Variants in HLCS observed in about 807,000 individuals in gnomAD.
The protein encoded by HLCS is holocarboxylase synthetase, also known as biotin--protein ligase.
In HLCS, 53 loss-of-function variants were observed where a neutral mutation model predicts 75.0. That is an observed-to-expected ratio of 0.71 (90% CI 0.57 to 0.89). The LOEUF is 0.89. Ranked by LOEUF, HLCS falls within the 40% of genes least tolerant of loss-of-function variation. The pLI is 0.00. For synonymous variants in HLCS, 431 were observed against 428.6 expected (o/e 1.01, Z -0.07); for missense variants, 966 against 1,074.0 (o/e 0.90, Z 1.41).
intron 6 of HLCS, among the ~76,000 whole-genome samples, chr21:36,877,523 C>A (rs760666735): frequency 1.9e-4 from 29 of 152,182 alleles, no homozygotes; most frequent in Non-Finnish European, 3.8e-4. Flanking sequence ...TCTTATAGGT[C>A]CATTTACCAC....
At chr21:36,861,372 T>C (rs1296973293) in intron 6 of HLCS, among the ~76,000 whole-genome samples, 1 of 152,236 alleles carries the variant, frequency 6.6e-6, no homozygotes, top group Non-Finnish European at 1.5e-5. Flanking sequence ...CAAAAGATGT[T>C]TGTTATACTT....
chr21:36,845,424 AG>A (rs1408130869), intron 6 of HLCS, among the ~76,000 whole-genome samples: 1 of 152,118 alleles, frequency 6.6e-6, no homozygotes, highest in Admixed American at 6.5e-5. Flanking sequence ...CTTCTACCCT[AG>A]GCACCTTCAC....
rs923467256 is a variant in HLCS, at chr21:36,751,365, T to C, written c.*2881A>G. 2 of 152,668 alleles carry C rather than the reference T, an allele frequency of 1.3e-5. No individual in the cohort carries two copies. The highest frequency in any genetic ancestry group is 2.9e-5 in the Non-Finnish European group (2 of 68,052). 9.5% of individuals were successfully genotyped at this position (152,668 alleles called of 1,614,324 possible). A position where few individuals can be genotyped will look rare whatever the true frequency, so the allele number is the denominator to read the frequency against. ...AATAAGGATTCTCCCATGTTCTGCC[T>C]GTTAAGAGCAAACAGATCTGGAGAA... On this transcript the variant is annotated 3_prime_UTR_variant, in exon 11 of 11. Coordinates refer to ENST00000674895, the MANE Select transcript of HLCS (RefSeq NM_001352514.2).
At chr21:36,935,560 C>T (rs1044501009) in intron 4 of HLCS, among the ~76,000 whole-genome samples, 1 of 152,168 alleles carries the variant, frequency 6.6e-6, no homozygotes, top group African/African-American at 2.4e-5. Context: ...AAATCGATTA[C>T]ACTTATCTTG....
intron 6 of HLCS, among the ~76,000 whole-genome samples, chr21:36,792,548 T>C (rs116809656): frequency 0.012 from 1,825 of 152,192 alleles, 28 homozygotes; most frequent in African/African-American, 0.041. Flanking sequence ...CCAATTGTGC[T>C]ACGTCAGTCC....
intron 5 of HLCS, among the ~76,000 whole-genome samples, chr21:36,914,623 C>T (rs1264526064): frequency 1.3e-5 from 2 of 152,190 alleles, no homozygotes; most frequent in Non-Finnish European, 2.9e-5. Flanking sequence ...TCTAATAAGG[C>T]TGGTTTTATA....
At chr21:36,796,102 C>T (rs181877611) in intron 6 of HLCS, among the ~76,000 whole-genome samples, 6 of 152,248 alleles carry the variant, frequency 3.9e-5, no homozygotes, top group East Asian at 1.9e-4. Flanking sequence ...TTGCCTGACT[C>T]GCTTCATGAT....
In HLCS at chr21:36,801,043, T is replaced by A. The variant is rs148080088; in HGVS notation, c.1893-33758A>T. On this transcript the variant is annotated intron_variant, in intron 6 of 10. Transcript: ENST00000674895. ...GCAACATTCGCCTGAATGGAGATTG[T>A]ATTATGGACATTGTTCTGGGATGCC... Among the ~76,000 whole-genome samples the A allele has an allele frequency of 7.0e-4, 107 of 152,324 alleles. 1 individual carries two copies. The East Asian group carries it at 0.019, about 28-fold the overall frequency.
intron 5 of HLCS, among the ~76,000 whole-genome samples, chr21:36,900,402 AG>A (rs998111321): frequency 2.0e-5 from 3 of 152,148 alleles, no homozygotes; most frequent in Non-Finnish European, 4.4e-5. Flanking sequence ...GAGCCTGATC[AG>A]GGCACAGCAT....
intron 6 of HLCS, among the ~76,000 whole-genome samples, chr21:36,894,812 A>G (rs2064943432): frequency 6.6e-6 from 1 of 151,570 alleles, no homozygotes; most frequent in Non-Finnish European, 1.5e-5. Flanking sequence ...TGTCTGTCAA[A>G]CACTTTTACA....
rs2089289667 is a variant in HLCS, at chr21:36,749,235, G to C, written c.*5011C>G. 6.6e-6 allele frequency: 1 copy of C among 152,602 alleles called. No homozygotes were observed. Among genetic ancestry groups the C allele is most frequent in the Non-Finnish European group, 1.5e-5 (1 of 68,034 alleles). 9.5% of individuals were successfully genotyped at this position (152,602 alleles called of 1,614,324 possible). Reference sequence around the variant, plus strand: ...AAAGATCTCAACATGGAAAAATCCTGTCATGGCTCTGAACTGCACAATGCA... The same window carrying C: ...AAAGATCTCAACATGGAAAAATCCTCTCATGGCTCTGAACTGCACAATGCA... On this transcript the variant is annotated 3_prime_UTR_variant, in exon 11 of 11. Transcript: ENST00000674895.
Position 36,749,824 on chromosome 21 carries a change from G to A in HLCS, c.*4422C>T, listed in dbSNP as rs2123527604. The A allele has an allele frequency of 6.6e-6, 1 of 152,066 alleles. No homozygotes were observed. Among genetic ancestry groups the A allele is most frequent in the East Asian group, 1.9e-4 (1 of 5,180 alleles). The allele number at this position is 152,066 out of a possible 1,614,324, so 9.4% of individuals were successfully genotyped here. A position where few individuals can be genotyped will look rare whatever the true frequency, so the allele number is the denominator to read the frequency against. ...GTGTCTACCTTGTTATTAACTTTTG[G>A]GGCTGTATTTAGTAAAAATAAATCA... On this transcript the variant is annotated 3_prime_UTR_variant, in exon 11 of 11. Transcript: ENST00000674895.
chr21:36,876,239 C>T lies in HLCS; in HGVS notation c.1892+20621G>A, dbSNP rs1048536161. Reference sequence around the variant, plus strand: ...CCAGGGCTGAATGAGCCCAGCAGGCCCGAACAAAACTCAGGCAAAGGTACC... The same window carrying T: ...CCAGGGCTGAATGAGCCCAGCAGGCTCGAACAAAACTCAGGCAAAGGTACC... On this transcript the variant is annotated intron_variant, in intron 6 of 10. Transcript: ENST00000674895. Among the ~76,000 whole-genome samples, 34 of 152,220 alleles carry T rather than the reference C, an allele frequency of 2.2e-4. 1 individual carries two copies. The highest frequency in any genetic ancestry group is 1.9e-4 in the East Asian group (1 of 5,156).
chr21:36,871,233 G>A (rs2063758524), intron 6 of HLCS, among the ~76,000 whole-genome samples: 1 of 152,068 alleles, frequency 6.6e-6, no homozygotes, highest in Non-Finnish European at 1.5e-5. Context: ...AGAGAAATTA[G>A]ACCACTGGGA....
chr21:36,859,115 C>G (rs191445554), intron 6 of HLCS, among the ~76,000 whole-genome samples: 2 of 152,178 alleles, frequency 1.3e-5, no homozygotes, highest in Non-Finnish European at 2.9e-5. Context: ...CTCCACCTCC[C>G]GAGTTCAAGC....
rs185483255 is a variant in HLCS at position 36,769,704 on chromosome 21, T to C, written c.1893-2419A>G. On this transcript the variant is annotated intron_variant, in intron 6 of 10. Coordinates refer to ENST00000674895, the MANE Select transcript of HLCS (RefSeq NM_001352514.2). ...ACATTTGGAGCCTCCTAAGGGTCAC[T>C]CTGCAAATGAGACAGCCTCCTGACC... Among the ~76,000 whole-genome samples the C allele has an allele frequency of 1.1e-3, 172 of 152,364 alleles. 1 individual carries two copies. Among genetic ancestry groups the C allele is most frequent in the African/African-American group, 4.0e-3 (166 of 41,582 alleles).
intron 5 of HLCS, among the ~76,000 whole-genome samples, chr21:36,912,278 T>C (rs2065751073): frequency 6.7e-6 from 1 of 149,716 alleles, no homozygotes; most frequent in Non-Finnish European, 1.5e-5. Flanking sequence ...CATATACAAT[T>C]AAGGGGATAT....
At chr21:36,977,342 TG>T (rs1569271587) in intron 1 of HLCS, among the ~76,000 whole-genome samples, 1 of 152,080 alleles carries the variant, frequency 6.6e-6, no homozygotes, top group African/African-American at 2.4e-5. Flanking sequence ...GGTAAGCACA[TG>T]GGGCCACTGC....
Position 36,888,446 on chromosome 21 carries a change from ATATATATATATAT to A in HLCS, c.1892+8401_1892+8413del, listed in dbSNP as rs1156756616. On this transcript the variant is annotated intron_variant, in intron 6 of 10. Transcript: ENST00000674895. ...CCCTTCCCATTTAAAAAAAAAAAAA[ATATATATATATAT>A]ATATATATATATATATATATATATA... Among the ~76,000 whole-genome samples the A allele has an allele frequency of 3.1e-3, 221 of 70,404 alleles. 16 individuals are homozygous for A. The highest frequency in any genetic ancestry group is 9.3e-3 in the Middle Eastern group (1 of 108). 46.2% of individuals were successfully genotyped at this position (70,404 alleles called of 152,430 possible). A position where few individuals can be genotyped will look rare whatever the true frequency, so the allele number is the denominator to read the frequency against.
Sources: allele counts gnomAD v4.1 joint callset (sites outside exome capture counted in the v4.1 genomes callset), GRCh38; gene constraint gnomAD v4.1.1; transcripts MANE v1.5; gene names NCBI Gene and HGNC (gene_info 2026-07-23, HGNC 2026-07-21).